Variants in ASB2 observed in about 807,000 individuals in gnomAD.
The protein encoded by ASB2 is ankyrin repeat and SOCS box protein 2.
ASB2 carries 58 observed loss-of-function variants against 62.4 expected under a neutral mutation model. The observed-to-expected ratio is 0.93, with a 90% CI of 0.75 to 1.16. The LOEUF is 1.16. Ranked by LOEUF, ASB2 falls within the 50% of genes most tolerant of loss-of-function variation. The probability of loss-of-function intolerance (pLI) is 0.00; values close to 1 mark genes in which losing one functional copy is unlikely to be tolerated. For synonymous variants in ASB2, 386 were observed against 385.3 expected (o/e 1.00, Z -0.02); for missense variants, 928 against 887.9 (o/e 1.05, Z -0.57).
intron 9 of ASB2, among the ~76,000 whole-genome samples, chr14:93,935,003 C>G (rs1277289609): frequency 2.0e-5 from 3 of 152,156 alleles, no homozygotes; most frequent in Admixed American, 2.0e-4. Context: ...GCACAGCCCA[C>G]GCAGTGCACA....
Position 93,951,143 on chromosome 14 carries a change from C to G in ASB2, c.736G>C (p.Val246Leu), listed in dbSNP as rs1888951693. Residue 246 changes from valine to leucine, a missense_variant, in exon 6 of 10, where the codon GTG (valine) becomes CTG (leucine). Transcript: ENST00000555019. ...NRGWTALHES[V>L]SRNDLEVMQI... ...ATGACCTCCAGGTCATTGCGAGACA[C>G]AGACTCGTGCAGAGCGGTCCAGCCG... The G allele has an allele frequency of 6.2e-7, 1 of 1,614,186 alleles. No individual in the cohort carries two copies. Among genetic ancestry groups the G allele is most frequent in the East Asian group, 2.2e-5 (1 of 44,884 alleles).
At chr14:93,938,735 T>C (rs1567018651) in intron 8 of ASB2, among the ~76,000 whole-genome samples, 2 of 152,180 alleles carry the variant, frequency 1.3e-5, no homozygotes, top group African/African-American at 4.8e-5. Flanking sequence ...GCTCCATCAT[T>C]GGTTCCTTAA....
intron 2 of ASB2, among the ~76,000 whole-genome samples, chr14:93,957,726 C>T (rs572106851): frequency 1.4e-4 from 22 of 152,144 alleles, no homozygotes; most frequent in Admixed American, 3.3e-4. Flanking sequence ...TCAGTTTTCC[C>T]GACCCACCAG....
intron 3 of ASB2, 102 bp downstream of exon 3, chr14:93,956,664 C>T (rs1889220652): frequency 6.6e-7 from 1 of 1,506,432 alleles, no homozygotes; most frequent in Admixed American, 1.7e-5. Flanking sequence ...CCATAGTGCC[C>T]TCTGCCCTCC....
chr14:93,958,116 C>T (rs543104650), intron 2 of ASB2, among the ~76,000 whole-genome samples: 1 of 152,210 alleles, frequency 6.6e-6, no homozygotes, highest in East Asian at 1.9e-4. Flanking sequence ...GCTTCATGCT[C>T]TCAGGGCTGC....
Position 93,957,134 on chromosome 14 carries a change from C to A in ASB2, c.207-264G>T, listed in dbSNP as rs535591863. On this transcript the variant is annotated intron_variant, in intron 2 of 9. Coordinates refer to ENST00000555019, the MANE Select transcript of ASB2 (RefSeq NM_001202429.2). Reference sequence around the variant, plus strand: ...CAACAATGAGGTTAACCTCACCCCACCCCCCGGTCCCCCTCCCCAGCCAAC... The same window carrying A: ...CAACAATGAGGTTAACCTCACCCCAACCCCCGGTCCCCCTCCCCAGCCAAC... 18 of 1,341,888 alleles carry A rather than the reference C, an allele frequency of 1.3e-5. No individual in the cohort carries two copies. The South Asian group carries it at 2.2e-4, about 16-fold the overall frequency. 83.1% of individuals were successfully genotyped at this position (1,341,888 alleles called of 1,614,324 possible).
At chr14:93,951,909 C>T (rs56937288) in intron 5 of ASB2, among the ~76,000 whole-genome samples, 2,185 of 152,326 alleles carry the variant, frequency 0.014, 48 homozygotes, top group African/African-American at 0.047. Context: ...CCTTTATAAG[C>T]CTCATCTCTC....
In ASB2 at chr14:93,934,632, A is replaced by G. The variant is rs1888203640; in HGVS notation, c.*24T>C. 6.2e-7 allele frequency: 1 copy of G among 1,611,952 alleles called. No individual in the cohort carries two copies. On this transcript the variant is annotated 3_prime_UTR_variant, in exon 10 of 10. Coordinates refer to ENST00000555019, the MANE Select transcript of ASB2 (RefSeq NM_001202429.2). ...CTTAGTAAGAAGAGTCTGAGGGGCT[A>G]CTCCTCTCTCCCCGTGGCCCCAGTT...
intron 2 of ASB2, among the ~76,000 whole-genome samples, chr14:93,960,732 A>G (rs985930646): frequency 6.6e-6 from 1 of 152,162 alleles, no homozygotes; most frequent in East Asian, 1.9e-4. Context: ...GTGAGACAGA[A>G]GCAAATTGGG....
chr14:93,954,454 T>C lies in ASB2; in HGVS notation c.341A>G (p.Lys114Arg), dbSNP rs151233739. ...CTTCAAGGCCTCTTCATCGCCATCC[T>C]TGATGGCCTTTATCAAGGGGTCCGC... The part of the protein sequence containing the change: ...APADPLIKAI[K>R]DGDEEALKTM... The change falls in exon 4 of 10, where the codon AAG becomes AGG. Residue 114 changes from lysine to arginine, a missense_variant. Transcript: ENST00000555019. 46 of 1,614,080 alleles carry C rather than the reference T, an allele frequency of 2.8e-5. No homozygotes were observed. In the African/African-American group the frequency reaches 5.7e-4, roughly 20 times the overall value.
intron 2 of ASB2, 154 bp from the exon 3 acceptor site, chr14:93,957,024 C>T: frequency 6.5e-7 from 1 of 1,527,272 alleles, no homozygotes; most frequent in Non-Finnish European, 8.8e-7. Flanking sequence ...GCCGGGTCCT[C>T]TGTGTGCTGG....
chr14:93,965,961 C>T (rs1259646454), intron 1 of ASB2, among the ~76,000 whole-genome samples: 2 of 152,274 alleles, frequency 1.3e-5, no homozygotes, highest in South Asian at 2.1e-4. Flanking sequence ...GCCCAACCTC[C>T]TCAGAGGAGC....
chr14:93,963,686 T>TTA (rs1889484073), intron 2 of ASB2, among the ~76,000 whole-genome samples: 1 of 152,222 alleles, frequency 6.6e-6, no homozygotes, highest in Non-Finnish European at 1.5e-5. Context: ...TAATTTTATA[T>TTA]TGATGGAAAT....
At chr14:93,953,082 G>C (rs562400028) in intron 5 of ASB2, among the ~76,000 whole-genome samples, 3 of 152,198 alleles carry the variant, frequency 2.0e-5, no homozygotes, top group Non-Finnish European at 4.4e-5. Context: ...CTCTCTGTGT[G>C]TGGGTGCCTA....
Position 93,934,639 on chromosome 14 carries a change from T to A in ASB2, c.*17A>T. 1.2e-6 allele frequency: 2 copies of A among 1,613,638 alleles called. No homozygotes were observed. Among genetic ancestry groups the A allele is most frequent in the Non-Finnish European group, 8.5e-7 (1 of 1,179,732 alleles). The stretch of plus-strand genomic sequence containing the variant: ...AGAAGAGTCTGAGGGGCTACTCCTC[T>A]CTCCCCGTGGCCCCAGTTACTGGGT... On this transcript the variant is annotated 3_prime_UTR_variant, in exon 10 of 10. Transcript: ENST00000555019.
intron 3 of ASB2, chr14:93,955,650 A>G (rs767516202): frequency 8.1e-5 from 13 of 160,386 alleles, no homozygotes; most frequent in Admixed American, 3.5e-4. Flanking sequence ...TGTCGTGAGA[A>G]CACTTTCAGG....
At chr14:93,945,863 C>A (rs1888703812) in intron 7 of ASB2, among the ~76,000 whole-genome samples, 1 of 152,168 alleles carries the variant, frequency 6.6e-6, no homozygotes, top group African/African-American at 2.4e-5. Context: ...CAAACATGCC[C>A]CAATACACGC....
chr14:93,946,185 G>GGGAC, intron 7 of ASB2, among the ~76,000 whole-genome samples: 1 of 152,190 alleles, frequency 6.6e-6, no homozygotes, highest in African/African-American at 2.4e-5. Flanking sequence ...CCTAGCCCTG[G>GGGAC]GGACGGGGCT....
At chr14:93,975,998 T>A (rs1482447876) in intron 1 of ASB2, among the ~76,000 whole-genome samples, 1 of 152,330 alleles carries the variant, frequency 6.6e-6, no homozygotes, top group South Asian at 2.1e-4. Flanking sequence ...ATACCGTGCA[T>A]GCCTAGGCAC....
Sources: gnomAD v4.1 joint callset for allele counts (sites outside exome capture counted in the v4.1 genomes callset) on GRCh38, gnomAD v4.1.1 for gene constraint, MANE v1.5 for transcripts, NCBI Gene and HGNC (gene_info 2026-07-23, HGNC 2026-07-21) for gene names.